Variants in CCDC170 observed in about 807,000 individuals in gnomAD.
CCDC170 encodes the protein coiled-coil domain-containing protein 170.
CCDC170 carries 69 observed loss-of-function variants against 72.6 expected under a neutral mutation model. The ratio of observed to expected loss-of-function variants is 0.95; its 90% CI spans 0.78 to 1.16. The LOEUF is 1.16. Among genes scored for constraint, CCDC170 ranks in the 50% most tolerant of loss-of-function variants. The pLI, the probability that CCDC170 is intolerant of heterozygous loss-of-function variation, is 0.00. For synonymous variants in CCDC170, 300 were observed against 303.9 expected, an observed-to-expected ratio of 0.99 and a Z score of 0.13; for missense variants, 852 against 832.5, an observed-to-expected ratio of 1.02 and a Z score of -0.29.
intron 5 of CCDC170, among the ~76,000 whole-genome samples, chr6:151,559,050 T>C (rs1783034599): frequency 6.7e-6 from 1 of 150,356 alleles, no homozygotes; most frequent in East Asian, 2.0e-4. Flanking sequence ...TCTTGCTCTG[T>C]CTCCCAGGCT....
rs1010723374 is a variant in CCDC170 at position 151,548,358 on chromosome 6, G to A, written c.643G>A (p.Glu215Lys). The change falls in exon 5 of 11, where the codon GAA (glutamate) becomes AAA (lysine). Residue 215 changes from glutamate to lysine, a missense_variant. Physicochemically the swap from Glu to Lys is moderately conservative, Grantham distance 56. Coordinates refer to ENST00000239374, the MANE Select transcript of CCDC170 (RefSeq NM_025059.4). Reference sequence around the variant, plus strand: ...CGTGAAAGGACAAATTGTTATTCTTGAAGAGACTATAAATGTCCATGAGAT... The same window carrying A: ...CGTGAAAGGACAAATTGTTATTCTTAAAGAGACTATAAATGTCCATGAGAT... Reference protein sequence around the residue: ...EFVKGQIVILEETINVHEMEA... With the variant: ...EFVKGQIVILKETINVHEMEA... The A allele has an allele frequency of 1.9e-6, 3 of 1,609,654 alleles. No individual in the cohort carries two copies. In the African/African-American group the frequency reaches 4.0e-5, roughly 21 times the overall value.
At chr6:151,502,890 C>T (rs1333848745) in intron 1 of CCDC170, among the ~76,000 whole-genome samples, 2 of 152,144 alleles carry the variant, frequency 1.3e-5, no homozygotes, top group African/African-American at 2.4e-5. Flanking sequence ...ATATCCGCGG[C>T]CAGGTGCGGT....
At chr6:151,500,283 C>T (rs576958280) in intron 1 of CCDC170, among the ~76,000 whole-genome samples, 5 of 149,656 alleles carry the variant, frequency 3.3e-5, no homozygotes, top group Admixed American at 2.0e-4. Flanking sequence ...ACTCTAGTTG[C>T]ATGTCTTCAT....
chr6:151,569,193 G>A (rs1776183789), intron 5 of CCDC170, among the ~76,000 whole-genome samples: 1 of 152,076 alleles, frequency 6.6e-6, no homozygotes, highest in Admixed American at 6.6e-5. Flanking sequence ...TCTCTGTCCT[G>A]ATGATAATCA....
At chr6:151,499,708 A>C (rs1781965765) in intron 1 of CCDC170, among the ~76,000 whole-genome samples, 1 of 150,912 alleles carries the variant, frequency 6.6e-6, no homozygotes, top group Non-Finnish European at 1.5e-5. Context: ...TTTGTCCTTC[A>C]ATGACTGGCT....
intron 5 of CCDC170, among the ~76,000 whole-genome samples, chr6:151,549,741 T>C (rs1782849416): frequency 6.6e-6 from 1 of 152,232 alleles, no homozygotes. Context: ...TGATTTCTTA[T>C]ATACTCTTCT....
intron 9 of CCDC170, 80 bp from the exon 10 acceptor site, chr6:151,615,363 T>C (rs1776946075): frequency 2.0e-6 from 2 of 987,780 alleles, no homozygotes; most frequent in African/African-American, 3.3e-5. Flanking sequence ...GTGAATTCCA[T>C]TGACTTCTGA....
Position 151,586,061 on chromosome 6 carries a change from G to C in CCDC170, c.1265G>C (p.Arg422Pro). 1 of 1,614,118 alleles carries C rather than the reference G, an allele frequency of 6.2e-7. No individual in the cohort carries two copies. Among genetic ancestry groups the C allele is most frequent in the Non-Finnish European group, 8.5e-7 (1 of 1,179,984 alleles). The part of the protein sequence containing the change: ...EAELVSGGVL[R>P]DNLNFEKQKY... Reference sequence around the variant, plus strand: ...GAGCTGGTTTCTGGAGGTGTTTTGCGAGACAACTTGAATTTTGAGAAACAA... The same window carrying C: ...GAGCTGGTTTCTGGAGGTGTTTTGCCAGACAACTTGAATTTTGAGAAACAA... The change falls in exon 7 of 11, where the codon CGA becomes CCA. Residue 422 changes from arginine to proline, a missense_variant. Arg to Pro is a moderately radical substitution (Grantham distance 103, BLOSUM62 -2). Coordinates refer to ENST00000239374, the MANE Select transcript of CCDC170 (RefSeq NM_025059.4).
chr6:151,534,205 C>T (rs1020485655), intron 1 of CCDC170, among the ~76,000 whole-genome samples: 4 of 151,704 alleles, frequency 2.6e-5, no homozygotes, highest in African/African-American at 9.7e-5. Context: ...GGTGGGACAA[C>T]AGGAACATGC....
intron 1 of CCDC170, among the ~76,000 whole-genome samples, chr6:151,533,284 G>C (rs1320686000): frequency 6.6e-6 from 1 of 151,688 alleles, no homozygotes; most frequent in Non-Finnish European, 1.5e-5. Flanking sequence ...TCGATCTCCT[G>C]ACCTTGTGAT....
In CCDC170 at chr6:151,582,802, G is replaced by A. The variant is rs1436206108; in HGVS notation, c.1093-3087G>A. Among the ~76,000 whole-genome samples the A allele has an allele frequency of 2.0e-5, 3 of 152,004 alleles. No homozygotes were observed. The East Asian group carries it at 5.8e-4, about 29-fold the overall frequency. On this transcript the variant is annotated intron_variant, in intron 6 of 10. Transcript: ENST00000239374. ...GCTCTTTTCAACAACCAGAGCTCAT[G>A]GGAACTAAGAGTGAGCAGTCACTCA...
chr6:151,586,843 G>A (rs1776457638), intron 7 of CCDC170, among the ~76,000 whole-genome samples: 1 of 151,938 alleles, frequency 6.6e-6, no homozygotes, highest in South Asian at 2.1e-4. Context: ...GGAGTGCAGT[G>A]GCGTGATCTC....
In CCDC170 at chr6:151,548,492, A is replaced by G. The variant is rs185146443; in HGVS notation, c.774+3A>G. The G allele has an allele frequency of 9.2e-5, 145 of 1,571,544 alleles. No homozygotes were observed. In the African/African-American group the frequency reaches 1.8e-3, roughly 20 times the overall value. ...AAGAGAAAGAGAAGCTGAACCAGGTATGATATGTGAAGTATACGTGTGCAT... is the reference window on the plus strand; with the variant it reads ...AAGAGAAAGAGAAGCTGAACCAGGTGTGATATGTGAAGTATACGTGTGCAT... On this transcript the variant is annotated splice_donor_region_variant and intron_variant, in intron 5 of 10. Transcript: ENST00000239374.
rs59167261 is a variant in CCDC170 at position 151,499,539 on chromosome 6, T to C, written c.57+5354T>C. 1.2e-3 allele frequency among the ~76,000 whole-genome samples: 112 copies of C among 90,860 alleles called. 3 individuals are homozygous for C. In the South Asian group the frequency reaches 0.016, roughly 13 times the overall value. The allele number at this position is 90,860 out of a possible 152,430, so 59.6% of individuals were successfully genotyped here. Reference sequence around the variant, plus strand: ...AGACTGTATTTGACTATTCTAGGCATGCTGTATAAGTGGAATCATACTGTA... The same window carrying C: ...AGACTGTATTTGACTATTCTAGGCACGCTGTATAAGTGGAATCATACTGTA... On this transcript the variant is annotated intron_variant, in intron 1 of 10. Transcript: ENST00000239374.
intron 5 of CCDC170, among the ~76,000 whole-genome samples, chr6:151,551,885 T>C (rs1023979562): frequency 6.6e-6 from 1 of 152,172 alleles, no homozygotes; most frequent in African/African-American, 2.4e-5. Context: ...AGCCACCAAG[T>C]TTGGCTTAGC....
chr6:151,498,302 CA>C (rs1781940289), intron 1 of CCDC170, among the ~76,000 whole-genome samples: 1 of 152,202 alleles, frequency 6.6e-6, no homozygotes, highest in African/African-American at 2.4e-5. Context: ...TATAGTTCCT[CA>C]AAACAAAGGA....
intron 1 of CCDC170, among the ~76,000 whole-genome samples, chr6:151,518,515 G>A (rs1004755872): frequency 1.3e-5 from 2 of 152,214 alleles, no homozygotes; most frequent in African/African-American, 4.8e-5. Context: ...TAAAGTGAAA[G>A]CAAGTTTATT....
At chr6:151,606,996 T>C (rs1322086469) in intron 9 of CCDC170, among the ~76,000 whole-genome samples, 1 of 152,170 alleles carries the variant, frequency 6.6e-6, no homozygotes, top group Non-Finnish European at 1.5e-5. Flanking sequence ...TATGTGTCTT[T>C]ACAGGTGAAG....
At position 151,538,068 on chromosome 6, in the gene CCDC170, G is replaced by A; in HGVS notation, c.210G>A (p.Met70Ile). The A allele has an allele frequency of 6.2e-7, 1 of 1,610,812 alleles. No individual in the cohort carries two copies. The highest frequency in any genetic ancestry group is 8.5e-7 in the Non-Finnish European group (1 of 1,179,034). The part of the protein sequence containing the change: ...QSELQDLRSK[M>I]LSKEVSCQEL... ...AGCTTCAAGACCTCCGATCCAAGAT[G>A]CTTTCTAAAGAAGTCTCCTGTCAAG... Residue 70 changes from methionine to isoleucine, a missense_variant, in exon 3 of 11, where the codon ATG (methionine) becomes ATA (isoleucine). By Grantham distance (10) the Met-to-Ile change is conservative. Transcript: ENST00000239374.
Sources: allele counts gnomAD v4.1 joint callset (sites outside exome capture counted in the v4.1 genomes callset), GRCh38; gene constraint gnomAD v4.1.1; transcripts MANE v1.5; gene names NCBI Gene and HGNC (gene_info 2026-07-23, HGNC 2026-07-21).